Variants in TP53AIP1 observed in about 807,000 individuals in gnomAD.
TP53AIP1 encodes the protein p53-regulated apoptosis-inducing protein 1.
A neutral mutation model predicts 9.5 loss-of-function variants in TP53AIP1; 14 were observed. The observed-to-expected ratio is 1.47, with a 90% CI of 0.97 to 2.30. The LOEUF (loss-of-function observed/expected upper bound fraction) is 2.30, where lower values mean the gene tolerates loss of function less well. Among genes scored for constraint, TP53AIP1 ranks in the 30% most tolerant of loss-of-function variants. TP53AIP1 has a pLI of 0.00. For missense variants in TP53AIP1, 153 were observed against 146.7 expected, an observed-to-expected ratio of 1.04 and a Z score of -0.22; for synonymous variants, 73 against 61.2, an observed-to-expected ratio of 1.19 and a Z score of -0.90.
chr11:128,936,307 G>A (rs1944822385), intron 3 of TP53AIP1: 6 of 1,293,308 alleles, frequency 4.6e-6, no homozygotes, highest in Middle Eastern at 6.0e-4. Flanking sequence ...TGGCTGTAGT[G>A]ACCACTCTTA....
rs1944829108 is a variant in TP53AIP1, at chr11:128,936,610, C to T, written c.181G>A (p.Gly61Arg). 1.9e-6 allele frequency: 3 copies of T among 1,588,594 alleles called. No homozygotes were observed. Among genetic ancestry groups the T allele is most frequent in the Admixed American group, 1.7e-5 (1 of 58,888 alleles). ...GACAGAGCTTCTATTCCCCGGCACC[C>T]TCCGTGAACTTGGGCACCCAAAACT... The part of the protein sequence containing the change: ...PLVLGAQVHG[G>R]CRGIEALSVS... The change falls in exon 3 of 4, where the codon GGG becomes AGG. Residue 61 changes from glycine to arginine, a missense_variant. Physicochemically the swap from Gly to Arg is moderately radical, Grantham distance 125. Transcript: ENST00000531399.
chr11:128,935,209 C>G (rs181657393), downstream of TP53AIP1, among the ~76,000 whole-genome samples: 1 of 152,358 alleles, frequency 6.6e-6, no homozygotes, highest in East Asian at 1.9e-4. Context: ...CCGCACTTCT[C>G]AAACCGTCCT....
intron 1 of TP53AIP1, among the ~76,000 whole-genome samples, chr11:128,941,915 G>A (rs541386631): frequency 4.6e-5 from 7 of 152,326 alleles, no homozygotes; most frequent in East Asian, 1.9e-4. Context: ...ACGCACAGAC[G>A]TGAATATGAA....
rs1944795939 is a variant in TP53AIP1 at position 128,935,488 on chromosome 11, G to A, written c.*103C>T. On this transcript the variant is annotated 3_prime_UTR_variant, in exon 4 of 4. Coordinates refer to ENST00000531399, the MANE Select transcript of TP53AIP1 (RefSeq NM_022112.3). ...AATGAGGTGGCCGCTAGTCAGCGCT[G>A]GAGCCATTTCTCGACGGTGCTTTCT... 7 of 1,477,812 alleles carry A rather than the reference G, an allele frequency of 4.7e-6. No individual in the cohort carries two copies. The highest frequency in any genetic ancestry group is 6.3e-6 in the Non-Finnish European group (7 of 1,119,408). 91.5% of individuals were successfully genotyped at this position (1,477,812 alleles called of 1,614,324 possible).
At chr11:128,941,231 T>C (rs1203365303) in intron 1 of TP53AIP1, among the ~76,000 whole-genome samples, 3 of 152,182 alleles carry the variant, frequency 2.0e-5, no homozygotes, top group Non-Finnish European at 4.4e-5. Context: ...CACTGTCTTC[T>C]TGCCCCGCTC....
chr11:128,935,436 C>T lies in TP53AIP1; in HGVS notation c.*155G>A. ...ATGCAAAATGAGGCAACCTAGCCAC[C>T]CAACTGGCCCAGTGGTCAAGGGGGG... is the stretch of plus-strand genomic sequence containing the variant. On this transcript the variant is annotated 3_prime_UTR_variant, in exon 4 of 4. Coordinates refer to ENST00000531399, the MANE Select transcript of TP53AIP1 (RefSeq NM_022112.3). 1.4e-6 allele frequency: 2 copies of T among 1,415,988 alleles called. No individual in the cohort carries two copies. The highest frequency in any genetic ancestry group is 1.4e-5 in the African/African-American group (1 of 69,470). 87.7% of individuals were successfully genotyped at this position (1,415,988 alleles called of 1,614,324 possible).
rs1944859976 is a variant in TP53AIP1, at chr11:128,937,762, G to A, written c.57C>T (p.Ala19=). ...FRSAQASCSG[A]RRQGLGRGDQ... ...CTCCCCTGCCCAGGCCCTGCCTCCT[G>A]GCCCCACTGCAGGAAGCTTGAGCAG... is the stretch of plus-strand genomic sequence containing the variant. Residue 19 remains alanine, a synonymous_variant, in exon 2 of 4, where the codon GCC becomes GCT. Transcript: ENST00000531399. The surrounding 1 kb of genome is among the most constrained non-coding windows in gnomAD (Gnocchi z 4.8). 5 of 1,613,764 alleles carry A rather than the reference G, an allele frequency of 3.1e-6. No individual in the cohort carries two copies. The highest frequency in any genetic ancestry group is 4.2e-6 in the Non-Finnish European group (5 of 1,179,858).
intron 3 of TP53AIP1, chr11:128,936,062 T>C (rs905360483): frequency 4.0e-5 from 31 of 779,032 alleles, no homozygotes; most frequent in Non-Finnish European, 4.8e-5. Flanking sequence ...GCTATTATCA[T>C]TCCATTTTAC....
intron 1 of TP53AIP1, among the ~76,000 whole-genome samples, chr11:128,940,022 C>T (rs1485210179): frequency 6.6e-6 from 1 of 152,138 alleles, no homozygotes; most frequent in Non-Finnish European, 1.5e-5. Context: ...CATCATGCAC[C>T]CAGCCCCCCC....
Position 128,939,353 on chromosome 11 carries a change from T to G in TP53AIP1, c.-76-1459A>C, listed in dbSNP as rs1944898306. Among the ~76,000 whole-genome samples, 1 of 152,064 alleles carries G rather than the reference T, an allele frequency of 6.6e-6. No homozygotes were observed. The highest frequency in any genetic ancestry group is 1.9e-4 in the East Asian group (1 of 5,182). On this transcript the variant is annotated intron_variant, in intron 1 of 3. Coordinates refer to ENST00000531399, the MANE Select transcript of TP53AIP1 (RefSeq NM_022112.3). This position sits in a 1 kb window ranked among gnomAD's most constrained non-coding sequence, Gnocchi z 4.1. ...AGTGATCCTGCGGCCCATTGCTCAC[T>G]CCCCGCAGAGGCAGGGGCAGCTGAC...
At chr11:128,940,503 T>C (rs562734218) in intron 1 of TP53AIP1, among the ~76,000 whole-genome samples, 1 of 152,314 alleles carries the variant, frequency 6.6e-6, no homozygotes, top group Admixed American at 6.5e-5. Flanking sequence ...CATTCACTCG[T>C]TGCCCTTCCA....
intron 1 of TP53AIP1, among the ~76,000 whole-genome samples, chr11:128,940,128 C>T (rs1233505014): frequency 6.6e-6 from 1 of 152,208 alleles, no homozygotes; most frequent in African/African-American, 2.4e-5. Flanking sequence ...CCAACTTGCC[C>T]TCCCTGGTCT....
chr11:128,940,591 C>A (rs1239480592), intron 1 of TP53AIP1, among the ~76,000 whole-genome samples: 1 of 152,230 alleles, frequency 6.6e-6, no homozygotes, highest in African/African-American at 2.4e-5. Context: ...AAAGCAGAGA[C>A]TGGAGCCATC....
At chr11:128,935,132 G>C, downstream of TP53AIP1, 1 of 729,990 alleles carries the variant, frequency 1.4e-6, no homozygotes, top group Non-Finnish European at 2.4e-6. Flanking sequence ...CTGCAGCTGG[G>C]GGACACCCAG....
chr11:128,939,241 G>A lies in TP53AIP1; in HGVS notation c.-76-1347C>T, dbSNP rs1944896201. 1.3e-5 allele frequency among the ~76,000 whole-genome samples: 2 copies of A among 152,110 alleles called. No individual in the cohort carries two copies. The highest frequency in any genetic ancestry group is 2.9e-5 in the Non-Finnish European group (2 of 68,030). On this transcript the variant is annotated intron_variant, in intron 1 of 3. Coordinates refer to ENST00000531399, the MANE Select transcript of TP53AIP1 (RefSeq NM_022112.3). The surrounding 1 kb of genome is among the most constrained non-coding windows in gnomAD (Gnocchi z 4.1). ...CATCTGGTTCTGGGGAAGACACTCTGCACGCAGCCCCCAGGAGACCACAGG... is the reference window on the plus strand; with the variant it reads ...CATCTGGTTCTGGGGAAGACACTCTACACGCAGCCCCCAGGAGACCACAGG...
chr11:128,937,652 T>A lies in TP53AIP1; in HGVS notation c.141+26A>T, dbSNP rs775682605. On this transcript the variant is annotated intron_variant, in intron 2 of 3. Coordinates refer to ENST00000531399, the MANE Select transcript of TP53AIP1 (RefSeq NM_022112.3). This position sits in a 1 kb window ranked among gnomAD's most constrained non-coding sequence, Gnocchi z 4.8. Reference sequence around the variant, plus strand: ...CGGGGCTGTGGCAGGCAAAAGACCGTCTCGGTTTTCACTGCAGGGACTTAC... The same window carrying A: ...CGGGGCTGTGGCAGGCAAAAGACCGACTCGGTTTTCACTGCAGGGACTTAC... 123 of 1,613,818 alleles carry A rather than the reference T, an allele frequency of 7.6e-5. No homozygotes were observed. Among genetic ancestry groups the A allele is most frequent in the Non-Finnish European group, 9.5e-5 (112 of 1,180,004 alleles).
At chr11:128,936,688 G>A (rs754495809) in intron 2 of TP53AIP1, 39 bp from the exon 3 acceptor site, 111 of 1,539,892 alleles carry the variant, frequency 7.2e-5, no homozygotes, top group Middle Eastern at 1.7e-4. Context: ...GCCCTGCAGC[G>A]CCGTCTCTTG....
Position 128,939,794 on chromosome 11 carries a change from A to T in TP53AIP1, c.-76-1900T>A, listed in dbSNP as rs1301410289. ...GCTATTCCCATGTAAAGCTGGCTGC[A>T]ATGGATGATGTTTCTGACTCATACT... On this transcript the variant is annotated intron_variant, in intron 1 of 3. Coordinates refer to ENST00000531399, the MANE Select transcript of TP53AIP1 (RefSeq NM_022112.3). The surrounding 1 kb of genome is among the most constrained non-coding windows in gnomAD (Gnocchi z 4.1). 6.6e-6 allele frequency among the ~76,000 whole-genome samples: 1 copy of T among 152,240 alleles called. No individual in the cohort carries two copies. Among genetic ancestry groups the T allele is most frequent in the Non-Finnish European group, 1.5e-5 (1 of 68,034 alleles).
Position 128,937,865 on chromosome 11 carries a change from C to G in TP53AIP1, c.-47G>C, listed in dbSNP as rs1162313790. 3.2e-6 allele frequency: 5 copies of G among 1,559,094 alleles called. No individual in the cohort carries two copies. Among genetic ancestry groups the G allele is most frequent in the Non-Finnish European group, 4.3e-6 (5 of 1,154,574 alleles). ...GAAAGCAGAGAACTTGGCTTCTCCT[C>G]ATTTGTTGTTAGGGCCAGTCCCTAA... is the stretch of plus-strand genomic sequence containing the variant. On this transcript the variant is annotated 5_prime_UTR_variant, in exon 2 of 4. It removes an upstream start codon present in the reference 5' UTR. Transcript: ENST00000531399. The surrounding 1 kb of genome is among the most constrained non-coding windows in gnomAD (Gnocchi z 4.8).
Sources: allele counts gnomAD v4.1 joint callset (sites outside exome capture counted in the v4.1 genomes callset), GRCh38; gene constraint gnomAD v4.1.1; non-coding constraint Gnocchi (gnomAD v3.1); transcripts MANE v1.5; gene names NCBI Gene and HGNC (gene_info 2026-07-23, HGNC 2026-07-21).